MCTP1: variants seen among roughly 807,000 people sequenced by gnomAD.
MCTP1 encodes the protein multiple C2 and transmembrane domain-containing protein 1.
Under a neutral mutation model 120.6 loss-of-function variants are expected in MCTP1, and 69 were observed. The observed-to-expected ratio is 0.57, with a 90% CI of 0.47 to 0.70. The LOEUF is 0.70. Ranked by LOEUF, MCTP1 falls within the 30% of genes least tolerant of loss-of-function variation. The pLI, the probability that MCTP1 is intolerant of heterozygous loss-of-function variation, is 0.00. For missense variants in MCTP1, 1,203 were observed against 1,248.8 expected (o/e 0.96, Z 0.55); for synonymous variants, 529 against 493.1 (o/e 1.07, Z -0.96).
chr5:94,973,134 A>G (rs1175226384), intron 2 of MCTP1, among the ~76,000 whole-genome samples: 1 of 152,190 alleles, frequency 6.6e-6, no homozygotes, highest in African/African-American at 2.4e-5. Context: ...TTTACAGATG[A>G]GTAAACTGGT....
chr5:95,105,245 G>A (rs1166904204), intron 1 of MCTP1, among the ~76,000 whole-genome samples: 1 of 152,144 alleles, frequency 6.6e-6, no homozygotes, highest in East Asian at 1.9e-4. Context: ...GCAAATGAAG[G>A]GGAATAAAGG....
At chr5:95,032,336 G>A (rs11951419) in intron 1 of MCTP1, among the ~76,000 whole-genome samples, 2,061 of 152,128 alleles carry the variant, frequency 0.014, 48 homozygotes, top group African/African-American at 0.048. Flanking sequence ...CACATGCTTC[G>A]TCATAAAGCA....
At chr5:95,106,113 G>A (rs1757062323) in intron 1 of MCTP1, among the ~76,000 whole-genome samples, 1 of 152,158 alleles carries the variant, frequency 6.6e-6, no homozygotes. Flanking sequence ...ATCATCTGCT[G>A]GTATCTTTCT....
At chr5:95,182,155 C>T (rs1237395093) in intron 1 of MCTP1, among the ~76,000 whole-genome samples, 2 of 152,150 alleles carry the variant, frequency 1.3e-5, no homozygotes, top group African/African-American at 4.8e-5. Flanking sequence ...CAGTGAAGCA[C>T]AGCTATCAAC....
At chr5:94,929,510 C>A (rs116769319) in intron 6 of MCTP1, 1 of 406,860 alleles carries the variant, frequency 2.5e-6, no homozygotes, top group African/African-American at 2.2e-5. Flanking sequence ...AAATAAAAAA[C>A]GAAAAATCTG....
intron 1 of MCTP1, among the ~76,000 whole-genome samples, chr5:95,193,644 A>T (rs1750063896): frequency 6.6e-6 from 1 of 152,174 alleles, no homozygotes; most frequent in African/African-American, 2.4e-5. Flanking sequence ...AACCATTAAC[A>T]TGGGCAAACA....
chr5:94,728,135 G>GC (rs747160373), intron 19 of MCTP1, among the ~76,000 whole-genome samples: 11 of 152,076 alleles, frequency 7.2e-5, no homozygotes, highest in Non-Finnish European at 1.6e-4. Flanking sequence ...AATTCCAAAG[G>GC]CCTACTTTAT....
intron 1 of MCTP1, among the ~76,000 whole-genome samples, chr5:95,260,007 A>G (rs1016348108): frequency 2.0e-5 from 3 of 152,180 alleles, no homozygotes; most frequent in South Asian, 2.1e-4. Flanking sequence ...TATATCCCTG[A>G]TAATTCTCAC....
Position 94,868,471 on chromosome 5 carries a change from T to G in MCTP1, c.2317-19A>C. Reference sequence around the variant, plus strand: ...GTAGCAGCTGTAAGGAAAATGAAAATATTATTATAATTTGCAAGACTAAAA... The same window carrying G: ...GTAGCAGCTGTAAGGAAAATGAAAAGATTATTATAATTTGCAAGACTAAAA... On this transcript the variant is annotated intron_variant, in intron 16 of 22. Transcript: ENST00000515393. 1 of 1,560,590 alleles carries G rather than the reference T, an allele frequency of 6.4e-7. No homozygotes were observed. The highest frequency in any genetic ancestry group is 8.7e-7 in the Non-Finnish European group (1 of 1,154,340).
chr5:95,243,503 G>C (rs1321708565), intron 1 of MCTP1, among the ~76,000 whole-genome samples: 2 of 152,168 alleles, frequency 1.3e-5, no homozygotes, highest in Non-Finnish European at 2.9e-5. Flanking sequence ...AGATAGGTAG[G>C]AGCCAGACCA....
chr5:94,856,022 G>C (rs1379490951), intron 17 of MCTP1, among the ~76,000 whole-genome samples: 1 of 151,642 alleles, frequency 6.6e-6, no homozygotes, highest in Non-Finnish European at 1.5e-5. Flanking sequence ...TAAAAGATGA[G>C]AATCAAATAC....
intron 5 of MCTP1, among the ~76,000 whole-genome samples, chr5:94,934,473 T>C (rs926101540): frequency 7.9e-5 from 12 of 151,836 alleles, no homozygotes; most frequent in Non-Finnish European, 1.8e-4. Flanking sequence ...CATAAAAATA[T>C]GGCTTGTGAT....
At chr5:94,752,725 A>G in intron 19 of MCTP1, among the ~76,000 whole-genome samples, 1 of 152,242 alleles carries the variant, frequency 6.6e-6, no homozygotes, top group African/African-American at 2.4e-5. Context: ...GCACAAACAC[A>G]AAAACATCCA....
chr5:94,976,175 T>TA (rs1211034557), intron 2 of MCTP1, among the ~76,000 whole-genome samples: 1 of 152,188 alleles, frequency 6.6e-6, no homozygotes, highest in Non-Finnish European at 1.5e-5. Flanking sequence ...TCTACAACAG[T>TA]AAGCATTTGC....
At chr5:95,043,295 C>T (rs148776080) in intron 1 of MCTP1, among the ~76,000 whole-genome samples, 1 of 152,170 alleles carries the variant, frequency 6.6e-6, no homozygotes, top group Non-Finnish European at 1.5e-5. Context: ...TAACACTTCT[C>T]AAAATTGCCT....
chr5:94,775,060 A>G (rs923108213), intron 19 of MCTP1, among the ~76,000 whole-genome samples: 1 of 152,204 alleles, frequency 6.6e-6, no homozygotes, highest in Non-Finnish European at 1.5e-5. Flanking sequence ...AAAGCAAAGA[A>G]TCTGTTTACT....
At chr5:95,212,439 G>A (rs1165138148) in intron 1 of MCTP1, among the ~76,000 whole-genome samples, 1 of 151,978 alleles carries the variant, frequency 6.6e-6, no homozygotes, top group African/African-American at 2.4e-5. Context: ...GAGGTACAAG[G>A]AGGAACTGGT....
At chr5:95,219,152 C>T (rs1372055288) in intron 1 of MCTP1, among the ~76,000 whole-genome samples, 3 of 151,998 alleles carry the variant, frequency 2.0e-5, no homozygotes, top group South Asian at 4.1e-4. Context: ...GAGGCCAAGG[C>T]GGGTGGATCA....
At chr5:95,113,351 C>T (rs1457367816) in intron 1 of MCTP1, among the ~76,000 whole-genome samples, 1 of 151,984 alleles carries the variant, frequency 6.6e-6, no homozygotes, top group Non-Finnish European at 1.5e-5. Flanking sequence ...CATGTTTTAA[C>T]TTCATGTTAC....
Sources: gnomAD v4.1 joint callset for allele counts (sites outside exome capture counted in the v4.1 genomes callset) on GRCh38, gnomAD v4.1.1 for gene constraint, MANE v1.5 for transcripts, NCBI Gene and HGNC (gene_info 2026-07-23, HGNC 2026-07-21) for gene names.